Variants in ARL15 observed in about 807,000 individuals in gnomAD.
ARL15 encodes ADP-ribosylation factor-like protein 15.
Under a neutral mutation model 25.2 loss-of-function variants are expected in ARL15, and 19 were observed. The ratio of observed to expected loss-of-function variants is 0.75; its 90% CI spans 0.53 to 1.10. ARL15 has a LOEUF of 1.10. ARL15 is among the 50% of genes least tolerant of loss of function. ARL15 has a pLI of 0.00. For missense variants in ARL15, 220 were observed against 246.0 expected (o/e 0.89, Z 0.71); for synonymous variants, 94 against 86.8 (o/e 1.08, Z -0.46).
chr5:54,054,157 C>G (rs989013256), intron 4 of ARL15, among the ~76,000 whole-genome samples: 7 of 152,230 alleles, frequency 4.6e-5, no homozygotes, highest in African/African-American at 1.4e-4. Context: ...TCTCCCCTTA[C>G]TTCCGGTACC....
chr5:54,099,405 G>A (rs1752374457), intron 4 of ARL15, among the ~76,000 whole-genome samples: 1 of 151,900 alleles, frequency 6.6e-6, no homozygotes. Flanking sequence ...AAAAATTTCT[G>A]CCCGCAATAC....
chr5:54,037,674 G>T (rs1338052570), intron 4 of ARL15, among the ~76,000 whole-genome samples: 3 of 152,100 alleles, frequency 2.0e-5, no homozygotes, highest in Admixed American at 6.5e-5. Context: ...CTTCAGGGAT[G>T]ATTACGGTAT....
intron 4 of ARL15, among the ~76,000 whole-genome samples, chr5:53,891,077 AAC>A (rs945492014): frequency 6.6e-6 from 1 of 152,180 alleles, no homozygotes; most frequent in Non-Finnish European, 1.5e-5. Flanking sequence ...AAGGCATGTA[AAC>A]AGTTTTGAAC....
At chr5:54,086,476 A>G (rs2112127847) in intron 4 of ARL15, among the ~76,000 whole-genome samples, 1 of 150,778 alleles carries the variant, frequency 6.6e-6, no homozygotes, top group African/African-American at 2.4e-5. Context: ...GTTTCGCAGT[A>G]GCTTAAATAG....
intron 4 of ARL15, among the ~76,000 whole-genome samples, chr5:53,937,981 T>G (rs1746406569): frequency 6.6e-6 from 1 of 152,208 alleles, no homozygotes; most frequent in Non-Finnish European, 1.5e-5. Context: ...ACGTCATATC[T>G]GTGTTTATAT....
chr5:54,020,211 T>G (rs1383441674), intron 4 of ARL15, among the ~76,000 whole-genome samples: 1 of 152,218 alleles, frequency 6.6e-6, no homozygotes, highest in Admixed American at 6.5e-5. Flanking sequence ...GAACCTGGAC[T>G]GGCACTGGGG....
chr5:54,270,141 A>G (rs569604103), intron 1 of ARL15, among the ~76,000 whole-genome samples: 6 of 152,340 alleles, frequency 3.9e-5, no homozygotes, highest in Non-Finnish European at 8.8e-5. Context: ...TTGCACATGA[A>G]TTATCAATAT....
intron 3 of ARL15, among the ~76,000 whole-genome samples, chr5:54,117,364 G>GATACAT (rs1554041360): frequency 2.2e-5 from 2 of 90,982 alleles, no homozygotes; most frequent in Non-Finnish European, 4.0e-5. Flanking sequence ...CAAATAGTGA[G>GATACAT]ACACATACAC....
rs201690627 is a variant in ARL15, at chr5:53,939,733, C to CA, written c.463-53021dup. ...CTGGAGATAAAGCGAGACTCCGTCT[C>CA]AAAAAAAAATAAAATAAAATAAAGA... On this transcript the variant is annotated intron_variant, in intron 4 of 4. Transcript: ENST00000504924. 4.9e-3 allele frequency among the ~76,000 whole-genome samples: 710 copies of CA among 143,636 alleles called. 2 individuals carry two copies. The highest frequency in any genetic ancestry group is 7.4e-3 in the Middle Eastern group (2 of 270). The allele number at this position is 143,636 out of a possible 152,430, so 94.2% of individuals were successfully genotyped here. A position where few individuals can be genotyped will look rare whatever the true frequency, so the allele number is the denominator to read the frequency against.
At chr5:54,076,832 G>A (rs762957672) in intron 4 of ARL15, among the ~76,000 whole-genome samples, 4 of 151,812 alleles carry the variant, frequency 2.6e-5, no homozygotes, top group Non-Finnish European at 4.4e-5. Flanking sequence ...AAACATCCAT[G>A]GAGGAAGACA....
At chr5:53,968,614 GA>G (rs1315807035) in intron 4 of ARL15, among the ~76,000 whole-genome samples, 1 of 152,094 alleles carries the variant, frequency 6.6e-6, no homozygotes, top group Non-Finnish European at 1.5e-5. Context: ...CTAGTGATCT[GA>G]AGGACTGCAG....
intron 1 of ARL15, among the ~76,000 whole-genome samples, chr5:54,268,163 G>A (rs1363611448): frequency 1.3e-4 from 20 of 152,016 alleles, no homozygotes; most frequent in Middle Eastern, 3.4e-3. Context: ...GGCTTTGTTC[G>A]TTTCTTTTTA....
At chr5:54,099,775 C>T (rs1482782716) in intron 4 of ARL15, among the ~76,000 whole-genome samples, 1 of 151,986 alleles carries the variant, frequency 6.6e-6, no homozygotes, top group African/African-American at 2.4e-5. Flanking sequence ...TGTGCTATGC[C>T]CTCCTTTAAT....
At chr5:54,058,837 G>A (rs919146442) in intron 4 of ARL15, among the ~76,000 whole-genome samples, 2 of 152,126 alleles carry the variant, frequency 1.3e-5, no homozygotes, top group Admixed American at 1.3e-4. Flanking sequence ...AGGCTCCCTC[G>A]GGTTACCATG....
chr5:53,936,028 C>T (rs780884313), intron 4 of ARL15, among the ~76,000 whole-genome samples: 15 of 151,932 alleles, frequency 9.9e-5, no homozygotes, highest in South Asian at 6.2e-4. Context: ...GGATTACAGG[C>T]GTGGCCATCG....
chr5:53,959,829 A>G (rs1747302886), intron 4 of ARL15, among the ~76,000 whole-genome samples: 1 of 151,280 alleles, frequency 6.6e-6, no homozygotes, highest in South Asian at 2.1e-4. Context: ...TTGCATTGTA[A>G]CTCCCACACT....
chr5:53,908,912 A>C (rs140428728), intron 4 of ARL15, among the ~76,000 whole-genome samples: 3 of 152,372 alleles, frequency 2.0e-5, no homozygotes, highest in Non-Finnish European at 4.4e-5. Context: ...TATACACAAA[A>C]GTTGACATCA....
chr5:54,232,478 G>T (rs956157562), intron 1 of ARL15, among the ~76,000 whole-genome samples: 3 of 152,098 alleles, frequency 2.0e-5, no homozygotes, highest in African/African-American at 7.2e-5. Context: ...TCTGACATTC[G>T]AAGCTCCCTT....
chr5:53,980,291 C>A (rs1748077780), intron 4 of ARL15, among the ~76,000 whole-genome samples: 2 of 152,178 alleles, frequency 1.3e-5, no homozygotes, highest in South Asian at 4.1e-4. Flanking sequence ...CAGCATTGTG[C>A]TAAACACTTA....
Sources: gnomAD v4.1 joint callset for allele counts (sites outside exome capture counted in the v4.1 genomes callset) on GRCh38, gnomAD v4.1.1 for gene constraint, MANE v1.5 for transcripts, NCBI Gene and HGNC (gene_info 2026-07-23, HGNC 2026-07-21) for gene names.